The following GLI2 variants were observed in gnomAD, a reference collection of about 807,000 sequenced individuals.
GLI2 encodes the protein GLI family zinc finger 2.
GLI2 carries 22 observed loss-of-function variants against 78.9 expected under a neutral mutation model. The ratio of observed to expected loss-of-function variants is 0.28; its 90% CI spans 0.20 to 0.40. GLI2 has a LOEUF of 0.40. GLI2 is among the 10% of genes least tolerant of loss of function. The probability of loss-of-function intolerance (pLI) is 1.00; values close to 1 mark genes in which losing one functional copy is unlikely to be tolerated. For synonymous variants in GLI2, 974 were observed against 963.7 expected (o/e 1.01, Z -0.20); for missense variants, 2,097 against 2,213.2 (o/e 0.95, Z 1.05).
intron 2 of GLI2, among the ~76,000 whole-genome samples, chr2:120,908,565 C>T (rs945636754): frequency 6.6e-6 from 1 of 152,218 alleles, no homozygotes; most frequent in African/African-American, 2.4e-5. Flanking sequence ...GCCCTGCAGC[C>T]ATCTGTGATG....
chr2:120,846,941 ATGGGTTTT>A (rs1433317538), intron 2 of GLI2, among the ~76,000 whole-genome samples: 2 of 152,160 alleles, frequency 1.3e-5, no homozygotes, highest in African/African-American at 4.8e-5. Flanking sequence ...GGGAGCAAGC[ATGGGTTTT>A]AGCTGTGTCT....
rs542095334 is a variant in GLI2 at position 120,984,303 on chromosome 2, A to T, written c.1633-168A>T. On this transcript the variant is annotated intron_variant, in intron 11 of 13. Coordinates refer to ENST00000361492, the MANE Select transcript of GLI2 (RefSeq NM_001374353.1). ...AGCCAGGCTATGGCCAGGCTCCTGC[A>T]TGGTGCCATCCACAGAGCACTGGCT... is the stretch of plus-strand genomic sequence containing the variant. Among the ~76,000 whole-genome samples, 5 of 152,276 alleles carry T rather than the reference A, an allele frequency of 3.3e-5. No homozygotes were observed. The South Asian group carries it at 1.0e-3, about 32-fold the overall frequency.
intron 2 of GLI2, among the ~76,000 whole-genome samples, chr2:120,864,696 G>A (rs755362462): frequency 1.3e-5 from 2 of 152,052 alleles, no homozygotes; most frequent in Non-Finnish European, 2.9e-5. Flanking sequence ...ATCCACCCAC[G>A]TTGGCCTCCC....
At chr2:120,964,286 G>C (rs1681727986) in intron 5 of GLI2, among the ~76,000 whole-genome samples, 2 of 152,234 alleles carry the variant, frequency 1.3e-5, no homozygotes, top group Admixed American at 1.3e-4. Context: ...GGAGGGGCTG[G>C]AAGGAGACCT....
At chr2:120,880,021 C>T (rs1367641635) in intron 2 of GLI2, among the ~76,000 whole-genome samples, 1 of 152,162 alleles carries the variant, frequency 6.6e-6, no homozygotes, top group Non-Finnish European at 1.5e-5. Flanking sequence ...AGGAATAAAT[C>T]GGTGTGGCCA....
intron 1 of GLI2, among the ~76,000 whole-genome samples, chr2:120,759,595 C>T (rs1033501660): frequency 1.3e-5 from 2 of 152,152 alleles, no homozygotes; most frequent in Admixed American, 1.3e-4. Flanking sequence ...CTTTTGGGTG[C>T]ACTACCTGTT....
chr2:120,790,791 A>G (rs1684131562), intron 1 of GLI2, among the ~76,000 whole-genome samples: 1 of 152,168 alleles, frequency 6.6e-6, no homozygotes, highest in South Asian at 2.1e-4. Flanking sequence ...GAAGGTGGAC[A>G]GAGAAGGCAG....
chr2:120,935,812 T>C (rs946150535), intron 3 of GLI2, among the ~76,000 whole-genome samples: 4 of 152,188 alleles, frequency 2.6e-5, no homozygotes, highest in Non-Finnish European at 5.9e-5. Context: ...TCATTTATAA[T>C]GGAATCTGGC....
intron 1 of GLI2, among the ~76,000 whole-genome samples, chr2:120,747,590 G>A (rs915356331): frequency 6.6e-6 from 1 of 152,192 alleles, no homozygotes; most frequent in African/African-American, 2.4e-5. Context: ...CACAACAAGG[G>A]GAATGCTATT....
chr2:120,811,089 T>C (rs1356302106), intron 2 of GLI2, among the ~76,000 whole-genome samples: 1 of 152,206 alleles, frequency 6.6e-6, no homozygotes, highest in African/African-American at 2.4e-5. Context: ...TGCATACCTG[T>C]GCAAAGTGGG....
chr2:120,764,500 C>G (rs1364440108), intron 1 of GLI2, among the ~76,000 whole-genome samples: 1 of 152,210 alleles, frequency 6.6e-6, no homozygotes, highest in African/African-American at 2.4e-5. Context: ...GTATCCCTTA[C>G]TTGAGTGGGA....
intron 2 of GLI2, among the ~76,000 whole-genome samples, chr2:120,879,615 G>A (rs1344895881): frequency 6.6e-6 from 1 of 152,200 alleles, no homozygotes; most frequent in Non-Finnish European, 1.5e-5. Context: ...CAGGTGACAC[G>A]TGGCCACCTG....
intron 2 of GLI2, among the ~76,000 whole-genome samples, chr2:120,812,384 T>A (rs1685291226): frequency 6.6e-6 from 1 of 152,138 alleles, no homozygotes; most frequent in Admixed American, 6.5e-5. Flanking sequence ...GTGGGAGCTG[T>A]GGCGGTTCCC....
chr2:120,972,604 C>T, intron 8 of GLI2: 1 of 517,710 alleles, frequency 1.9e-6, no homozygotes, highest in Non-Finnish European at 3.9e-6. Flanking sequence ...TGTCTGCACT[C>T]TAAGCTTTGG....
intron 1 of GLI2, among the ~76,000 whole-genome samples, chr2:120,791,074 A>G (rs1684140613): frequency 6.6e-6 from 1 of 152,148 alleles, no homozygotes; most frequent in African/African-American, 2.4e-5. Flanking sequence ...GGCCACAGAC[A>G]CACAGTGGAT....
intron 1 of GLI2, among the ~76,000 whole-genome samples, chr2:120,749,123 G>C (rs532988431): frequency 6.6e-6 from 1 of 152,254 alleles, no homozygotes; most frequent in Non-Finnish European, 1.5e-5. Flanking sequence ...ACTTGTCTCT[G>C]GGATTTCCCT....
At chr2:120,954,244 T>C (rs774280336) in intron 4 of GLI2, among the ~76,000 whole-genome samples, 15 of 152,200 alleles carry the variant, frequency 9.9e-5, no homozygotes, top group Middle Eastern at 3.4e-3. Flanking sequence ...GGCCAGACCA[T>C]GTGTGACTGG....
At chr2:120,952,476 CA>C (rs1209119434) in intron 4 of GLI2, among the ~76,000 whole-genome samples, 1 of 152,192 alleles carries the variant, frequency 6.6e-6, no homozygotes, top group Admixed American at 6.5e-5. Context: ...TGAGAATGTG[CA>C]GGCTGGGATT....
chr2:120,746,105 CG>C (rs1553444043), intron 1 of GLI2, among the ~76,000 whole-genome samples: 1 of 152,192 alleles, frequency 6.6e-6, no homozygotes, highest in Non-Finnish European at 1.5e-5. Flanking sequence ...TGATCCAGTG[CG>C]TTGCTTCTTC....
Sources: allele counts gnomAD v4.1 joint callset (sites outside exome capture counted in the v4.1 genomes callset), GRCh38; gene constraint gnomAD v4.1.1; transcripts MANE v1.5; gene names NCBI Gene and HGNC (gene_info 2026-07-23, HGNC 2026-07-21).